FGF14: variants seen among roughly 807,000 people sequenced by gnomAD.
FGF14 encodes fibroblast growth factor 14, also known as fibroblast growth factor homologous factor 4.
A neutral mutation model predicts 25.5 loss-of-function variants in FGF14; 5 were observed. The observed-to-expected ratio is 0.20, with a 90% CI of 0.10 to 0.41. FGF14 has a LOEUF of 0.41. FGF14 is among the 10% of genes least tolerant of loss of function. The probability of loss-of-function intolerance (pLI) is 1.00; values close to 1 mark genes in which losing one functional copy is unlikely to be tolerated. For synonymous variants in FGF14, 138 were observed against 118.3 expected (o/e 1.17, Z -1.08); for missense variants, 222 against 320.1 (o/e 0.69, Z 2.34).
At chr13:102,006,476 T>C (rs912000912) in intron 1 of FGF14, among the ~76,000 whole-genome samples, 1 of 152,096 alleles carries the variant, frequency 6.6e-6, no homozygotes, top group Non-Finnish European at 1.5e-5. Flanking sequence ...CTGTTGTCAT[T>C]ATGTAGTGAG....
At chr13:101,813,034 C>T (rs931992583) in intron 3 of FGF14, among the ~76,000 whole-genome samples, 5 of 152,080 alleles carry the variant, frequency 3.3e-5, no homozygotes, top group African/African-American at 1.2e-4. Context: ...AAAATGCTTT[C>T]TTTAAATGTT....
intron 1 of FGF14, among the ~76,000 whole-genome samples, chr13:102,266,064 A>AG (rs1276140876): frequency 1.3e-5 from 2 of 152,118 alleles, no homozygotes; most frequent in African/African-American, 4.8e-5. Context: ...ACAAAATGAG[A>AG]GAAAAAATAA....
chr13:101,980,440 G>C (rs2038179715), intron 1 of FGF14, among the ~76,000 whole-genome samples: 3 of 151,910 alleles, frequency 2.0e-5, no homozygotes, highest in Admixed American at 2.0e-4. Context: ...TAATGTAAAA[G>C]AAGTCTACTG....
At chr13:102,082,373 T>C (rs2043666918) in intron 1 of FGF14, among the ~76,000 whole-genome samples, 1 of 152,160 alleles carries the variant, frequency 6.6e-6, no homozygotes, top group African/African-American at 2.4e-5. Context: ...GAGAAAGCAG[T>C]GATAACATAA....
chr13:101,800,018 T>C (rs1284326304), intron 3 of FGF14, among the ~76,000 whole-genome samples: 1 of 152,156 alleles, frequency 6.6e-6, no homozygotes, highest in Non-Finnish European at 1.5e-5. Context: ...TTTTAAGGAA[T>C]GTTCCCTACC....
chr13:101,812,648 TATA>T (rs1186133181), intron 3 of FGF14, among the ~76,000 whole-genome samples: 148 of 10,572 alleles, frequency 0.014, no homozygotes, highest in Non-Finnish European at 0.018. Flanking sequence ...TATATATATA[TATA>T]TATTTTTTTT....
intron 1 of FGF14, among the ~76,000 whole-genome samples, chr13:102,327,115 A>G (rs2056479394): frequency 6.6e-6 from 1 of 152,226 alleles, no homozygotes; most frequent in African/African-American, 2.4e-5. Context: ...ATAAAGTTCA[A>G]AAATGCCAAG....
chr13:101,787,730 T>C (rs183254566), intron 3 of FGF14, among the ~76,000 whole-genome samples: 16 of 152,324 alleles, frequency 1.1e-4, no homozygotes, highest in Admixed American at 1.0e-3. Flanking sequence ...TGTAAGCATC[T>C]TTCCAGTCTC....
At chr13:101,921,396 C>T (rs376207246), upstream of FGF14, among the ~76,000 whole-genome samples, 18 of 152,270 alleles carry the variant, frequency 1.2e-4, no homozygotes, top group Admixed American at 3.3e-4. Flanking sequence ...ACTGTTCTTC[C>T]TTCTTAAACC....
intron 1 of FGF14, chr13:102,394,630 G>C (rs1226342253): frequency 6.6e-6 from 1 of 152,328 alleles, no homozygotes; most frequent in Admixed American, 6.5e-5. Flanking sequence ...CCGCCGCATT[G>C]CGTAGCGAAG....
chr13:102,269,577 T>C (rs1217681441), intron 1 of FGF14, among the ~76,000 whole-genome samples: 1 of 152,192 alleles, frequency 6.6e-6, no homozygotes, highest in African/African-American at 2.4e-5. Context: ...ATTTTAGGGA[T>C]GGAGTCTCAA....
intron 1 of FGF14, among the ~76,000 whole-genome samples, chr13:102,330,068 T>C (rs1396848609): frequency 6.6e-6 from 1 of 152,138 alleles, no homozygotes; most frequent in Non-Finnish European, 1.5e-5. Context: ...GGACCCTTAA[T>C]GCTGACAGGC....
chr13:102,121,764 T>C (rs563675302), intron 1 of FGF14, among the ~76,000 whole-genome samples: 2 of 152,338 alleles, frequency 1.3e-5, no homozygotes, highest in African/African-American at 4.8e-5. Context: ...GCTTCTGCTA[T>C]ATCGAGTGTG....
chr13:102,069,328 G>A (rs553180321), intron 1 of FGF14, among the ~76,000 whole-genome samples: 9 of 152,162 alleles, frequency 5.9e-5, no homozygotes, highest in East Asian at 5.8e-4. Context: ...ACCAATCAGC[G>A]CCCTGTCAAA....
chr13:102,332,108 G>A (rs1229553337), intron 1 of FGF14, among the ~76,000 whole-genome samples: 11 of 151,972 alleles, frequency 7.2e-5, no homozygotes, highest in African/African-American at 2.4e-4. Context: ...TGTACTAAAC[G>A]GCAGAGTCAG....
At chr13:102,061,444 C>A (rs948183075) in intron 1 of FGF14, among the ~76,000 whole-genome samples, 1 of 152,188 alleles carries the variant, frequency 6.6e-6, no homozygotes, top group African/African-American at 2.4e-5. Context: ...CCCCATGGCA[C>A]GCCCTGAGAG....
chr13:102,145,991 C>T lies in FGF14; in HGVS notation c.208+255480G>A, dbSNP rs551719201. ...CATTAGGAGAAAACAGTGAGTATATCAGAGAAGAGCAGATCCAACCTATTA... is the reference window on the plus strand; with the variant it reads ...CATTAGGAGAAAACAGTGAGTATATTAGAGAAGAGCAGATCCAACCTATTA... On this transcript the variant is annotated intron_variant, in intron 1 of 4. Coordinates refer to the FGF14 transcript ENST00000376131. 2.0e-5 allele frequency among the ~76,000 whole-genome samples: 3 copies of T among 152,266 alleles called. No homozygotes were observed. In the East Asian group the frequency reaches 5.8e-4, roughly 29 times the overall value.
chr13:101,994,066 TA>T (rs2039050968), intron 1 of FGF14, among the ~76,000 whole-genome samples: 1 of 152,042 alleles, frequency 6.6e-6, no homozygotes, highest in Non-Finnish European at 1.5e-5. Flanking sequence ...GACTTTATTC[TA>T]AAAGGATGCA....
intron 1 of FGF14, among the ~76,000 whole-genome samples, chr13:101,941,976 A>C (rs941706118): frequency 1.3e-5 from 2 of 152,154 alleles, no homozygotes; most frequent in African/African-American, 4.8e-5. Flanking sequence ...AATATTTTAA[A>C]CCTCAACTAT....
Sources: gnomAD v4.1 joint callset for allele counts (sites outside exome capture counted in the v4.1 genomes callset) on GRCh38, gnomAD v4.1.1 for gene constraint, MANE v1.5 for transcripts, NCBI Gene and HGNC (gene_info 2026-07-23, HGNC 2026-07-21) for gene names.